GRIN2B: variants seen among roughly 807,000 people sequenced by gnomAD.
GRIN2B encodes the protein glutamate receptor ionotropic, NMDA 2B.
GRIN2B carries 5 observed loss-of-function variants against 114.5 expected under a neutral mutation model. The ratio of observed to expected loss-of-function variants is 0.04; its 90% CI spans 0.02 to 0.09. The LOEUF (loss-of-function observed/expected upper bound fraction) is 0.09, where lower values mean the gene tolerates loss of function less well. Ranked by LOEUF, GRIN2B falls within the 10% of genes least tolerant of loss-of-function variation. The pLI is 1.00. For missense variants in GRIN2B, 1,108 were observed against 1,943.5 expected (o/e 0.57, Z 8.08); for synonymous variants, 787 against 745.1 (o/e 1.06, Z -0.92).
intron 4 of GRIN2B, chr12:13,683,952 G>A (rs1306775338): frequency 6.6e-6 from 1 of 152,180 alleles, no homozygotes; most frequent in Non-Finnish European, 1.5e-5. Flanking sequence ...TCTGAAGCTT[G>A]GGACAATGAT....
chr12:13,639,408 G>A (rs1226966305), intron 5 of GRIN2B, among the ~76,000 whole-genome samples: 3 of 152,148 alleles, frequency 2.0e-5, no homozygotes, highest in African/African-American at 7.2e-5. Flanking sequence ...AAATCCTGCA[G>A]TTTTCAGCAG....
intron 5 of GRIN2B, among the ~76,000 whole-genome samples, chr12:13,674,491 G>C (rs1463888248): frequency 2.0e-5 from 3 of 152,090 alleles, no homozygotes; most frequent in African/African-American, 7.2e-5. Flanking sequence ...TACTGCCTGA[G>C]CCACACATGC....
chr12:13,926,128 G>C (rs1866906860), intron 2 of GRIN2B, among the ~76,000 whole-genome samples: 1 of 152,074 alleles, frequency 6.6e-6, no homozygotes, highest in South Asian at 2.1e-4. Flanking sequence ...CTTAGACCAA[G>C]GAGAAGAAAG....
At chr12:13,742,860 G>A (rs1863310056) in intron 4 of GRIN2B, among the ~76,000 whole-genome samples, 1 of 152,228 alleles carries the variant, frequency 6.6e-6, no homozygotes. Flanking sequence ...TAAGCAAAGT[G>A]TGGAACTTCA....
In GRIN2B at chr12:13,608,957, T is replaced by C; in HGVS notation, c.1781-125A>G. 3 of 721,472 alleles carry C rather than the reference T, an allele frequency of 4.2e-6. No homozygotes were observed. In the South Asian group the frequency reaches 4.5e-5, roughly 11 times the overall value. The allele number at this position is 721,472 out of a possible 1,614,324, so 44.7% of individuals were successfully genotyped here. A position where few individuals can be genotyped will look rare whatever the true frequency, so the allele number is the denominator to read the frequency against. ...CCCTTCCGCTAAAACCAAGCCCTTTTATAGACGGCTTTTAAATTTGAGAGT... is the reference window on the plus strand; with the variant it reads ...CCCTTCCGCTAAAACCAAGCCCTTTCATAGACGGCTTTTAAATTTGAGAGT... On this transcript the variant is annotated intron_variant, in intron 9 of 13. Coordinates refer to ENST00000609686, the MANE Select transcript of GRIN2B (RefSeq NM_000834.5).
At chr12:13,729,378 T>C (rs1863044004) in intron 4 of GRIN2B, among the ~76,000 whole-genome samples, 1 of 152,188 alleles carries the variant, frequency 6.6e-6, no homozygotes. Flanking sequence ...CCTATCTTCC[T>C]TCTGTCTCTC....
intron 11 of GRIN2B, 71 bp downstream of exon 11, chr12:13,571,733 T>C: frequency 1.4e-6 from 2 of 1,458,170 alleles, no homozygotes; most frequent in South Asian, 1.1e-5. Flanking sequence ...ACCTAGTGCA[T>C]GTGATTCAAT....
rs1272708388 is a variant in GRIN2B, at chr12:13,611,710, T to C, written c.1780+15A>G. 5 of 1,613,324 alleles carry C rather than the reference T, an allele frequency of 3.1e-6. No individual in the cohort carries two copies. ...AAAAAAACTGGGGAAGTGCAGCGGT[T>C]CCAGCCGGCCTTACCTCTGCCATCA... On this transcript the variant is annotated intron_variant, in intron 9 of 13. Coordinates refer to ENST00000609686, the MANE Select transcript of GRIN2B (RefSeq NM_000834.5).
chr12:13,766,120 T>C (rs1863781327), intron 3 of GRIN2B, among the ~76,000 whole-genome samples: 1 of 152,214 alleles, frequency 6.6e-6, no homozygotes, highest in Non-Finnish European at 1.5e-5. Context: ...ATACAACTGA[T>C]TCTTTGTAAC....
chr12:13,934,689 A>G (rs867418243), intron 2 of GRIN2B, among the ~76,000 whole-genome samples: 3 of 144,076 alleles, frequency 2.1e-5, no homozygotes, highest in African/African-American at 8.9e-5. Flanking sequence ...CAACTTCATC[A>G]CTGGCAGGAA....
At chr12:13,735,360 C>T (rs1446210326) in intron 4 of GRIN2B, among the ~76,000 whole-genome samples, 2 of 152,134 alleles carry the variant, frequency 1.3e-5, no homozygotes, top group East Asian at 3.9e-4. Flanking sequence ...CATCAGCTTC[C>T]TGGAAGATGC....
At chr12:13,923,504 C>T (rs1866857338) in intron 2 of GRIN2B, among the ~76,000 whole-genome samples, 1 of 152,128 alleles carries the variant, frequency 6.6e-6, no homozygotes, top group Non-Finnish European at 1.5e-5. Context: ...AAAATACATC[C>T]ATGGTAAGTG....
At chr12:13,952,108 T>C (rs112145201) in intron 2 of GRIN2B, among the ~76,000 whole-genome samples, 1 of 152,192 alleles carries the variant, frequency 6.6e-6, no homozygotes, top group African/African-American at 2.4e-5. Flanking sequence ...AACGTGTATA[T>C]GGTGATATAA....
intron 4 of GRIN2B, among the ~76,000 whole-genome samples, chr12:13,701,161 G>A (rs1950309248): frequency 6.6e-6 from 1 of 152,070 alleles, no homozygotes; most frequent in South Asian, 2.1e-4. Flanking sequence ...GAACAGCATC[G>A]AGGGAACCAC....
At chr12:13,713,201 G>C (rs1294147297) in intron 4 of GRIN2B, among the ~76,000 whole-genome samples, 1 of 151,884 alleles carries the variant, frequency 6.6e-6, no homozygotes, top group East Asian at 1.9e-4. Flanking sequence ...ACCATTTTAA[G>C]TTAACAACAT....
intron 4 of GRIN2B, among the ~76,000 whole-genome samples, chr12:13,747,029 T>C (rs1363854843): frequency 2.0e-5 from 3 of 152,070 alleles, no homozygotes; most frequent in African/African-American, 4.8e-5. Context: ...CAATGCAGAA[T>C]GGACTATAGG....
intron 3 of GRIN2B, among the ~76,000 whole-genome samples, chr12:13,795,476 G>A (rs1018933001): frequency 6.6e-6 from 1 of 152,076 alleles, no homozygotes; most frequent in East Asian, 1.9e-4. Context: ...TTTCTCACCT[G>A]TAAGATGGGC....
At chr12:13,924,592 C>T (rs1446571493) in intron 2 of GRIN2B, among the ~76,000 whole-genome samples, 1 of 152,186 alleles carries the variant, frequency 6.6e-6, no homozygotes, top group Non-Finnish European at 1.5e-5. Context: ...CTCTCCTGGC[C>T]AATGCTAACC....
At chr12:13,588,034 T>C (rs1235405318) in intron 10 of GRIN2B, among the ~76,000 whole-genome samples, 1 of 152,218 alleles carries the variant, frequency 6.6e-6, no homozygotes, top group Non-Finnish European at 1.5e-5. Flanking sequence ...TTGGGATACT[T>C]CCTCACCTAC....
Sources: allele counts gnomAD v4.1 joint callset (sites outside exome capture counted in the v4.1 genomes callset), GRCh38; gene constraint gnomAD v4.1.1; transcripts MANE v1.5; gene names NCBI Gene and HGNC (gene_info 2026-07-23, HGNC 2026-07-21).